The following LRBA variants were observed in gnomAD, a reference collection of about 807,000 sequenced individuals.
LRBA encodes lipopolysaccharide-responsive and beige-like anchor protein.
A neutral mutation model predicts 330.0 loss-of-function variants in LRBA; 176 were observed. That is an observed-to-expected ratio of 0.53 (90% CI 0.47 to 0.60). The LOEUF (loss-of-function observed/expected upper bound fraction) is 0.60. Ranked by LOEUF, LRBA falls within the 20% of genes least tolerant of loss-of-function variation. The pLI is 0.00. For missense variants in LRBA, 3,259 were observed against 3,444.8 expected (o/e 0.95, Z 1.35); for synonymous variants, 1,230 against 1,193.0 (o/e 1.03, Z -0.64).
At chr4:150,816,482 T>A (rs749629056) in intron 31 of LRBA, among the ~76,000 whole-genome samples, 4 of 151,964 alleles carry the variant, frequency 2.6e-5, no homozygotes, top group African/African-American at 4.8e-5. Flanking sequence ...TGCATCCATA[T>A]ATATGCTTTT....
At position 150,871,378 on chromosome 4, in the gene LRBA, T is replaced by A; in HGVS notation, c.2334A>T (p.Leu778Phe). ...GCACATTATATGTGGTCATTGTGAT[T>A]AAATTTGTCTGAAGCATGAGCCTTT... ...LAERLMLQTN[L>F]ITMTTYNVLF... Residue 778 changes from leucine to phenylalanine, a missense_variant, in exon 19 of 57, where the codon TTA becomes TTT. Coordinates refer to ENST00000651943, the MANE Select transcript of LRBA (RefSeq NM_001364905.1). 1 of 1,611,792 alleles carries A rather than the reference T, an allele frequency of 6.2e-7. No homozygotes were observed. Among genetic ancestry groups the A allele is most frequent in the East Asian group, 2.2e-5 (1 of 44,834 alleles).
At chr4:150,883,563 C>T (rs1056551360) in intron 17 of LRBA, among the ~76,000 whole-genome samples, 2 of 152,100 alleles carry the variant, frequency 1.3e-5, no homozygotes, top group Non-Finnish European at 2.9e-5. Context: ...TGTCTCTCCC[C>T]GACCTTCCAC....
At chr4:150,753,018 A>G (rs1192497820) in intron 35 of LRBA, among the ~76,000 whole-genome samples, 1 of 152,174 alleles carries the variant, frequency 6.6e-6, no homozygotes, top group Non-Finnish European at 1.5e-5. Flanking sequence ...TCTGCTGCAC[A>G]GTATCTACCA....
chr4:150,582,419 C>G (rs546887861), intron 40 of LRBA: 1 of 152,074 alleles, frequency 6.6e-6, no homozygotes, highest in East Asian at 1.9e-4. Context: ...AAGTGCACGG[C>G]GGACTGAGTT....
chr4:150,680,608 A>T (rs1782968811), intron 37 of LRBA, among the ~76,000 whole-genome samples: 1 of 152,206 alleles, frequency 6.6e-6, no homozygotes, highest in Non-Finnish European at 1.5e-5. Context: ...GGCTATAATC[A>T]TCATTGTGTT....
intron 36 of LRBA, among the ~76,000 whole-genome samples, chr4:150,709,667 T>C (rs967209552): frequency 6.6e-5 from 10 of 152,016 alleles, no homozygotes; most frequent in African/African-American, 2.4e-4. Context: ...GGATATGTTA[T>C]GAATAGACAT....
chr4:150,452,697 C>T (rs1392736107), intron 44 of LRBA, among the ~76,000 whole-genome samples: 2 of 151,836 alleles, frequency 1.3e-5, no homozygotes, highest in African/African-American at 4.8e-5. Flanking sequence ...TAACATCACA[C>T]TTAAGGGCGA....
At chr4:150,424,096 G>T (rs17588965) in intron 46 of LRBA, among the ~76,000 whole-genome samples, 33,070 of 152,084 alleles carry the variant, frequency 0.22, 4,426 homozygotes, top group Non-Finnish European at 0.31. Context: ...TGAAATTGAG[G>T]ACTTTACATG....
intron 43 of LRBA, among the ~76,000 whole-genome samples, chr4:150,469,048 C>T (rs1755788021): frequency 6.6e-6 from 1 of 151,742 alleles, no homozygotes; most frequent in South Asian, 2.1e-4. Flanking sequence ...AAATTTTATG[C>T]TCCCCCACTT....
chr4:150,888,438 C>G (rs1729163173), intron 17 of LRBA, among the ~76,000 whole-genome samples: 1 of 151,932 alleles, frequency 6.6e-6, no homozygotes. Flanking sequence ...CTATATATAA[C>G]TAGTAAAAGT....
At chr4:150,946,424 T>C (rs955855120) in intron 2 of LRBA, among the ~76,000 whole-genome samples, 6 of 152,100 alleles carry the variant, frequency 3.9e-5, no homozygotes, top group Admixed American at 2.6e-4. Context: ...GTGGGTTCTC[T>C]GACCACAATG....
At chr4:150,840,866 T>A (rs1748969075) in intron 28 of LRBA, 1 of 953,290 alleles carries the variant, frequency 1.0e-6, no homozygotes, top group South Asian at 2.4e-5. Context: ...AAATAGAAAC[T>A]AATGGTAAAA....
intron 37 of LRBA, among the ~76,000 whole-genome samples, chr4:150,672,847 G>A (rs998586518): frequency 2.6e-5 from 4 of 152,076 alleles, no homozygotes; most frequent in Admixed American, 2.0e-4. Flanking sequence ...GCACATAATA[G>A]GTGTCCAGTA....
intron 12 of LRBA, 40 bp from the exon 13 acceptor site, chr4:150,906,030 T>C (rs923403355): frequency 6.3e-7 from 1 of 1,581,852 alleles, no homozygotes. Flanking sequence ...CAAATTCAAG[T>C]CAAAGTAAGT....
chr4:150,819,469 G>T (rs1310396743), intron 30 of LRBA, among the ~76,000 whole-genome samples: 2 of 151,812 alleles, frequency 1.3e-5, no homozygotes, highest in Non-Finnish European at 2.9e-5. Context: ...CATGCTGGCT[G>T]AAATATTTAA....
intron 47 of LRBA, among the ~76,000 whole-genome samples, chr4:150,384,243 G>T (rs1420585751): frequency 6.6e-6 from 1 of 151,890 alleles, no homozygotes; most frequent in Non-Finnish European, 1.5e-5. Context: ...CCTCCGTGTT[G>T]GTTGGACTGG....
chr4:150,806,295 G>T lies in LRBA; in HGVS notation c.5494C>A (p.Gln1832Lys), dbSNP rs1210881451. The T allele has an allele frequency of 6.2e-7, 1 of 1,605,088 alleles. No individual in the cohort carries two copies. The highest frequency in any genetic ancestry group is 8.5e-7 in the Non-Finnish European group (1 of 1,176,036). Residue 1832 changes from glutamine to lysine, a missense_variant, in exon 33 of 57, where the codon CAA (glutamine) becomes AAA (lysine). Physicochemically the swap from Gln to Lys is moderately conservative, Grantham distance 53. Coordinates refer to ENST00000651943, the MANE Select transcript of LRBA (RefSeq NM_001364905.1). The part of the protein sequence containing the change: ...LSRTLLGSHG[Q>K]ELLIEGTSLV... ...CTTGTTCCTTCTATAAGCAGTTCTT[G>T]TCCATGGCTACCCAAAAGTGTCCGA...
At chr4:150,976,175 G>GAAAAAAAAAA (rs56914557) in intron 2 of LRBA, among the ~76,000 whole-genome samples, 2 of 88,728 alleles carry the variant, frequency 2.3e-5, no homozygotes, top group African/African-American at 4.0e-5. Context: ...ACTCCGTCTT[G>GAAAAAAAAAA]AAAAAAAAAA....
At chr4:150,676,553 G>T (rs1782576601) in intron 37 of LRBA, among the ~76,000 whole-genome samples, 1 of 152,236 alleles carries the variant, frequency 6.6e-6, no homozygotes, top group African/African-American at 2.4e-5. Context: ...ACAGCCTACA[G>T]GGTCCTGAAG....
Sources: allele counts gnomAD v4.1 joint callset (sites outside exome capture counted in the v4.1 genomes callset), GRCh38; gene constraint gnomAD v4.1.1; transcripts MANE v1.5; gene names NCBI Gene and HGNC (gene_info 2026-07-23, HGNC 2026-07-21).